The following CENPK variants were observed in gnomAD, a reference collection of about 807,000 sequenced individuals.
The protein encoded by CENPK is centromere protein K, also known as SoxLZ/Sox6-binding protein Solt.
Under a neutral mutation model 40.9 loss-of-function variants are expected in CENPK, and 46 were observed. That is an observed-to-expected ratio of 1.13 (90% CI 0.89 to 1.44). The LOEUF is 1.44. Ranked by LOEUF, CENPK falls within the 40% of genes most tolerant of loss-of-function variation. The pLI is 0.00. For missense variants in CENPK, 288 were observed against 303.5 expected (o/e 0.95, Z 0.38); for synonymous variants, 107 against 104.4 (o/e 1.02, Z -0.15).
At position 65,561,435 on chromosome 5, in the gene CENPK, T is replaced by C. The variant is rs531531419; in HGVS notation, c.-40+28A>G. 230 of 438,020 alleles carry C rather than the reference T, an allele frequency of 5.3e-4. 1 individual carries two copies. The highest frequency in any genetic ancestry group is 5.7e-4 in the Non-Finnish European group (124 of 217,698). 27.1% of individuals were successfully genotyped at this position (438,020 alleles called of 1,614,324 possible). On this transcript the variant is annotated intron_variant, in intron 2 of 10. Coordinates refer to ENST00000396679, the MANE Select transcript of CENPK (RefSeq NM_022145.5). ...AATGTGGCAGTAGAATAAAAACATATAGAAACATTTAAGAGTTTGCTCTCT... is the reference window on the plus strand; with the variant it reads ...AATGTGGCAGTAGAATAAAAACATACAGAAACATTTAAGAGTTTGCTCTCT...
intron 6 of CENPK, among the ~76,000 whole-genome samples, chr5:65,534,581 T>C (rs1746533816): frequency 6.6e-6 from 1 of 152,122 alleles, no homozygotes; most frequent in Non-Finnish European, 1.5e-5. Flanking sequence ...TAGATACACA[T>C]ATACATGGTC....
chr5:65,544,628 C>T (rs530674825), intron 5 of CENPK, among the ~76,000 whole-genome samples: 10 of 151,988 alleles, frequency 6.6e-5, no homozygotes, highest in Non-Finnish European at 1.2e-4. Flanking sequence ...ATGAAGCAAC[C>T]GAAGTTTCCG....
At chr5:65,522,006 A>C (rs1267992994) in intron 9 of CENPK, among the ~76,000 whole-genome samples, 1 of 152,228 alleles carries the variant, frequency 6.6e-6, no homozygotes, top group Non-Finnish European at 1.5e-5. Flanking sequence ...CGTTGTATTT[A>C]AGTCAGATTC....
chr5:65,528,393 A>T, intron 9 of CENPK, 59 bp downstream of exon 9: 1 of 1,504,104 alleles, frequency 6.6e-7, no homozygotes, highest in Non-Finnish European at 8.9e-7. Context: ...ATGCTTCTAA[A>T]CCCACCTAAA....
chr5:65,518,991 T>C (rs1402787115), intron 10 of CENPK, among the ~76,000 whole-genome samples: 6 of 152,080 alleles, frequency 3.9e-5, no homozygotes. Context: ...AGTGAGCAAG[T>C]GTGTCTTAAT....
At chr5:65,504,841 C>T in the CENPK span, among the ~76,000 whole-genome samples, 10 of 152,150 alleles carry the variant, frequency 6.6e-5, no homozygotes, top group Admixed American at 5.9e-4. Flanking sequence ...CCTGGATTAA[C>T]TTTTCCTCTG....
chr5:65,510,812 G>A, the CENPK span, among the ~76,000 whole-genome samples: 4 of 151,836 alleles, frequency 2.6e-5, no homozygotes, highest in East Asian at 1.9e-4. Context: ...AATGGTTTAC[G>A]CAATTCATTA....
Position 65,528,698 on chromosome 5 carries a change from AAC to A in CENPK, c.471-122_471-121del, listed in dbSNP as rs1177857170. The stretch of plus-strand genomic sequence containing the variant: ...AAAACTTCATTTGCTCAAACCAAAT[AAC>A]TACCTTTTTGAAAATCATATTGTCT... On this transcript the variant is annotated intron_variant, in intron 8 of 10. Coordinates refer to ENST00000396679, the MANE Select transcript of CENPK (RefSeq NM_022145.5). 3.4e-5 allele frequency: 43 copies of A among 1,257,078 alleles called. No homozygotes were observed. The African/African-American group carries it at 4.9e-4, about 14-fold the overall frequency. The allele number at this position is 1,257,078 out of a possible 1,614,324, so 77.9% of individuals were successfully genotyped here.
chr5:65,529,882 G>A, intron 6 of CENPK: 1 of 152,102 alleles, frequency 6.6e-6, no homozygotes, highest in Non-Finnish European at 1.5e-5. Flanking sequence ...TCGGCTCACT[G>A]CAACCTCTGC....
chr5:65,523,633 G>A (rs1263030514), intron 9 of CENPK, among the ~76,000 whole-genome samples: 2 of 152,226 alleles, frequency 1.3e-5, no homozygotes, highest in Non-Finnish European at 2.9e-5. Flanking sequence ...TGAGAAGCAA[G>A]ATACAGGTTA....
chr5:65,551,728 G>C (rs887851106), intron 4 of CENPK, 92 bp from the exon 5 acceptor site: 5 of 630,916 alleles, frequency 7.9e-6, no homozygotes, highest in Non-Finnish European at 1.0e-5. Flanking sequence ...TTAAAACTTT[G>C]CAGGGGGGTG....
intron 10 of CENPK, among the ~76,000 whole-genome samples, chr5:65,519,217 G>A (rs1466463808): frequency 6.6e-6 from 1 of 152,162 alleles, no homozygotes. Context: ...GCATTCCATA[G>A]AATTAGTCTC....
intron 7 of CENPK, 38 bp downstream of exon 7, chr5:65,529,079 T>A: frequency 6.5e-7 from 1 of 1,537,962 alleles, no homozygotes; most frequent in Non-Finnish European, 8.9e-7. Flanking sequence ...TCACTTAATA[T>A]ATATGAATGA....
At chr5:65,551,249 CAAAAAAAAAAAAA>C (rs58442174) in intron 5 of CENPK, 9 of 112,190 alleles carry the variant, frequency 8.0e-5, no homozygotes, top group South Asian at 4.8e-4. Flanking sequence ...GACCCTGTCT[CAAAAAAAAAAAAA>C]AAAAAAAAAA....
chr5:65,542,050 C>A (rs544427153), intron 6 of CENPK, among the ~76,000 whole-genome samples: 11 of 152,266 alleles, frequency 7.2e-5, no homozygotes, highest in African/African-American at 2.6e-4. Flanking sequence ...TCTCTTCAGA[C>A]GTTTATAAGG....
intron 9 of CENPK, among the ~76,000 whole-genome samples, chr5:65,523,052 T>C (rs1580889842): frequency 6.6e-6 from 1 of 152,210 alleles, no homozygotes; most frequent in Non-Finnish European, 1.5e-5. Flanking sequence ...TGTAATGTAT[T>C]CTGTATGTAT....
chr5:65,516,024 G>A (rs1742828867), downstream of CENPK, among the ~76,000 whole-genome samples: 1 of 152,164 alleles, frequency 6.6e-6, no homozygotes, highest in Non-Finnish European at 1.5e-5. Context: ...CAAGCTTTCT[G>A]TGTCCCTTCT....
chr5:65,504,579 C>A, the CENPK span, among the ~76,000 whole-genome samples: 1 of 151,402 alleles, frequency 6.6e-6, no homozygotes, highest in Admixed American at 6.6e-5. Context: ...CATATGATAT[C>A]AATGTGAAAA....
chr5:65,533,370 T>TAAATAAATAAATAAATAAAA (rs1367099173), intron 6 of CENPK, among the ~76,000 whole-genome samples: 18 of 150,972 alleles, frequency 1.2e-4, no homozygotes, highest in Admixed American at 3.3e-4. Flanking sequence ...AATAAATAAA[T>TAAATAAATAAATAAATAAAA]AAAATAACAA....
Sources: allele counts gnomAD v4.1 joint callset (sites outside exome capture counted in the v4.1 genomes callset), GRCh38; gene constraint gnomAD v4.1.1; transcripts MANE v1.5; gene names NCBI Gene and HGNC (gene_info 2026-07-23, HGNC 2026-07-21).